Variants in GMDS observed in about 807,000 individuals in gnomAD.
The protein encoded by GMDS is GDP-mannose 4,6 dehydratase.
In GMDS, 20 loss-of-function variants were observed where a neutral mutation model predicts 49.9. The observed-to-expected ratio is 0.40, with a 90% CI of 0.28 to 0.58. The LOEUF (loss-of-function observed/expected upper bound fraction) is 0.58. Ranked by LOEUF, GMDS falls within the 20% of genes least tolerant of loss-of-function variation. GMDS has a pLI of 0.42. For missense variants in GMDS, 362 were observed against 481.4 expected (o/e 0.75, Z 2.32); for synonymous variants, 177 against 178.6 (o/e 0.99, Z 0.07).
chr6:1,779,687 G>A (rs1015483785), intron 7 of GMDS, among the ~76,000 whole-genome samples: 1 of 152,124 alleles, frequency 6.6e-6, no homozygotes. Context: ...AGCTGCACAA[G>A]CATGACTCAA....
intron 4 of GMDS, among the ~76,000 whole-genome samples, chr6:2,013,447 A>G (rs185537757): frequency 3.9e-4 from 59 of 152,236 alleles, no homozygotes; most frequent in African/African-American, 1.4e-3. Flanking sequence ...AGCACCATCT[A>G]AAAAAACAAA....
chr6:1,976,971 G>A (rs111550474), intron 4 of GMDS, among the ~76,000 whole-genome samples: 3,754 of 152,126 alleles, frequency 0.025, 69 homozygotes, highest in South Asian at 0.059. Flanking sequence ...TGGGATCTGC[G>A]GGCTGATGAG....
intron 7 of GMDS, among the ~76,000 whole-genome samples, chr6:1,786,748 C>G (rs1454349581): frequency 6.6e-6 from 1 of 151,836 alleles, no homozygotes; most frequent in African/African-American, 2.4e-5. Flanking sequence ...CTAAATGAGA[C>G]AGTTGTATAG....
intron 7 of GMDS, among the ~76,000 whole-genome samples, chr6:1,822,959 T>C (rs1055312444): frequency 2.6e-5 from 4 of 152,198 alleles, no homozygotes; most frequent in Non-Finnish European, 5.9e-5. Flanking sequence ...AGAAAAATCC[T>C]TCAATCTAGT....
intron 1 of GMDS, among the ~76,000 whole-genome samples, chr6:2,169,262 C>T (rs1347018654): frequency 1.3e-5 from 2 of 152,056 alleles, no homozygotes. Context: ...CTTAAAAGTC[C>T]ATTTGATATT....
At chr6:2,098,105 G>A (rs1562051974) in intron 4 of GMDS, among the ~76,000 whole-genome samples, 2 of 151,958 alleles carry the variant, frequency 1.3e-5, no homozygotes, top group Admixed American at 1.3e-4. Flanking sequence ...GCCCAGGCTG[G>A]TGTGCAGTGG....
At chr6:1,950,194 TA>T (rs1480869110) in intron 6 of GMDS, among the ~76,000 whole-genome samples, 5 of 152,212 alleles carry the variant, frequency 3.3e-5, no homozygotes, top group Admixed American at 1.3e-4. Flanking sequence ...CCTAAAGCAC[TA>T]AAACATCTAT....
chr6:2,167,458 G>T (rs1438516600), intron 1 of GMDS, among the ~76,000 whole-genome samples: 1 of 152,012 alleles, frequency 6.6e-6, no homozygotes. Flanking sequence ...TTGTCTACCA[G>T]AACATCATCT....
At chr6:1,805,219 T>C (rs1770123529) in intron 7 of GMDS, among the ~76,000 whole-genome samples, 2 of 152,230 alleles carry the variant, frequency 1.3e-5, no homozygotes, top group African/African-American at 4.8e-5. Flanking sequence ...AATATTAATA[T>C]AAGAAGGGGT....
intron 9 of GMDS, among the ~76,000 whole-genome samples, chr6:1,684,756 T>C (rs763296632): frequency 6.6e-6 from 1 of 152,190 alleles, no homozygotes; most frequent in Admixed American, 6.5e-5. Flanking sequence ...CAACTGTATA[T>C]GGCCAAAACT....
chr6:2,199,123 A>C (rs1779398123), intron 1 of GMDS, among the ~76,000 whole-genome samples: 1 of 152,254 alleles, frequency 6.6e-6, no homozygotes. Context: ...ATTCAACATT[A>C]TTCATTTCTT....
At chr6:1,955,672 G>A (rs931339132) in intron 6 of GMDS, among the ~76,000 whole-genome samples, 1 of 151,704 alleles carries the variant, frequency 6.6e-6, no homozygotes, top group Admixed American at 6.6e-5. Flanking sequence ...TTGATCTGAT[G>A]CTAGCATAGG....
At chr6:1,697,083 C>G (rs1765370394) in intron 9 of GMDS, among the ~76,000 whole-genome samples, 1 of 152,220 alleles carries the variant, frequency 6.6e-6, no homozygotes, top group South Asian at 2.1e-4. Flanking sequence ...CCATGCGTTA[C>G]TTCAGACAAT....
At chr6:2,043,384 A>C (rs1269692695) in intron 4 of GMDS, 1 of 152,224 alleles carries the variant, frequency 6.6e-6, no homozygotes, top group African/African-American at 2.4e-5. Context: ...CAGTCTCAAC[A>C]CCTTCATAAG....
intron 1 of GMDS, among the ~76,000 whole-genome samples, chr6:2,183,509 T>C (rs984917201): frequency 1.3e-5 from 2 of 152,356 alleles, no homozygotes; most frequent in East Asian, 1.9e-4. Flanking sequence ...AAGTAGTCTG[T>C]TGAGATCAAA....
chr6:1,737,733 CACACACAT>C (rs1394803782), intron 8 of GMDS, among the ~76,000 whole-genome samples: 3 of 136,210 alleles, frequency 2.2e-5, no homozygotes, highest in Non-Finnish European at 3.4e-5. Context: ...CACAAACACA[CACACACAT>C]ACACATACAC....
chr6:1,723,434 C>T (rs958870137), intron 9 of GMDS, among the ~76,000 whole-genome samples: 1 of 150,432 alleles, frequency 6.6e-6, no homozygotes, highest in Non-Finnish European at 1.5e-5. Context: ...TCACGCCATT[C>T]TCCTGCCTCA....
intron 7 of GMDS, among the ~76,000 whole-genome samples, chr6:1,793,031 A>T (rs556421463): frequency 6.6e-6 from 1 of 152,104 alleles, no homozygotes; most frequent in Admixed American, 6.5e-5. Flanking sequence ...AGACGTTTTC[A>T]CTCTTCAGTA....
chr6:1,880,529 C>G (rs1759313443), intron 7 of GMDS, among the ~76,000 whole-genome samples: 1 of 152,120 alleles, frequency 6.6e-6, no homozygotes, highest in South Asian at 2.1e-4. Flanking sequence ...TCTTGTTTAA[C>G]TCAACACTGC....
Sources: gnomAD v4.1 joint callset for allele counts (sites outside exome capture counted in the v4.1 genomes callset) on GRCh38, gnomAD v4.1.1 for gene constraint, MANE v1.5 for transcripts, NCBI Gene and HGNC (gene_info 2026-07-23, HGNC 2026-07-21) for gene names.